TOX: variants seen among roughly 807,000 people sequenced by gnomAD.
The protein encoded by TOX is thymocyte selection associated high mobility group box.
A neutral mutation model predicts 53.7 loss-of-function variants in TOX; 11 were observed. The observed-to-expected ratio is 0.20, with a 90% CI of 0.13 to 0.34. The LOEUF (loss-of-function observed/expected upper bound fraction) is 0.34, where lower values mean the gene tolerates loss of function less well. Among genes scored for constraint, TOX ranks in the 10% least tolerant of loss-of-function variants. The pLI, the probability that TOX is intolerant of heterozygous loss-of-function variation, is 1.00. For missense variants in TOX, 570 were observed against 664.6 expected (o/e 0.86, Z 1.56); for synonymous variants, 225 against 245.3 (o/e 0.92, Z 0.77).
At chr8:58,911,950 C>A (rs1296898184) in intron 3 of TOX, among the ~76,000 whole-genome samples, 1 of 152,216 alleles carries the variant, frequency 6.6e-6, no homozygotes. Flanking sequence ...GATCTGCCTA[C>A]CTCGGCCTCC....
intron 1 of TOX, among the ~76,000 whole-genome samples, chr8:59,027,194 C>T (rs774206337): frequency 1.3e-5 from 2 of 152,154 alleles, no homozygotes; most frequent in Non-Finnish European, 2.9e-5. Context: ...GTTCTAGGCC[C>T]TGGAACACTA....
In TOX at chr8:58,965,904, T is replaced by C. The variant is rs1383600363; in HGVS notation, c.103-5896A>G. 2.8e-5 allele frequency among the ~76,000 whole-genome samples: 4 copies of C among 144,454 alleles called. 1 individual carries two copies. The highest frequency in any genetic ancestry group is 1.0e-4 in the African/African-American group (4 of 39,114). The allele number at this position is 144,454 out of a possible 152,430, so 94.8% of individuals were successfully genotyped here. A position where few individuals can be genotyped will look rare whatever the true frequency, so the allele number is the denominator to read the frequency against. On this transcript the variant is annotated intron_variant, in intron 1 of 8. Transcript: ENST00000361421. ...AGATTACGAGTCATCGTTTTTTTTT[T>C]TTTTTTTTTTTTTTTTTTTTTGGTA... is the stretch of plus-strand genomic sequence containing the variant.
chr8:58,864,080 T>C (rs765321904), intron 3 of TOX, among the ~76,000 whole-genome samples: 82 of 152,230 alleles, frequency 5.4e-4, no homozygotes, highest in Admixed American at 1.4e-3. Flanking sequence ...AGTCAGTACA[T>C]CTGCTATATT....
At chr8:58,966,848 C>T (rs80018011) in intron 1 of TOX, among the ~76,000 whole-genome samples, 7,032 of 150,092 alleles carry the variant, frequency 0.047, 266 homozygotes, top group East Asian at 0.21. Context: ...TAACCAAATA[C>T]ACCAAACTTA....
intron 1 of TOX, among the ~76,000 whole-genome samples, chr8:58,965,894 G>GTTTTGTTTTTTTTTT (rs1812887394): frequency 4.0e-5 from 2 of 49,616 alleles, no homozygotes; most frequent in Non-Finnish European, 7.5e-5. Flanking sequence ...ACGAGTCATC[G>GTTTTGTTTTTTTTTT]TTTTTTTTTT....
intron 3 of TOX, among the ~76,000 whole-genome samples, chr8:58,937,242 T>C (rs781101498): frequency 2.0e-4 from 30 of 152,190 alleles, no homozygotes; most frequent in Admixed American, 7.9e-4. Context: ...GCTTCATTCC[T>C]TTATCTTAGG....
chr8:59,071,975 A>T lies in TOX; in HGVS notation c.102+46911T>A, dbSNP rs1199089805. 2.0e-5 allele frequency among the ~76,000 whole-genome samples: 3 copies of T among 152,362 alleles called. No homozygotes were observed. In the East Asian group the frequency reaches 5.8e-4, roughly 29 times the overall value. On this transcript the variant is annotated intron_variant, in intron 1 of 8. Coordinates refer to ENST00000361421, the MANE Select transcript of TOX (RefSeq NM_014729.3). ...TTTATCAATTTGTCAAAAAATGAAC[A>T]TTAAAAATATAAAGTTAAAATATCG...
At chr8:59,047,218 T>G (rs1415660588) in intron 1 of TOX, among the ~76,000 whole-genome samples, 9 of 125,862 alleles carry the variant, frequency 7.2e-5, no homozygotes, top group South Asian at 2.9e-4. Flanking sequence ...TTTTTTTTTT[T>G]TTTTTTTTTT....
intron 3 of TOX, among the ~76,000 whole-genome samples, chr8:58,915,600 GA>G (rs1417933036): frequency 3.7e-5 from 5 of 136,544 alleles, no homozygotes; most frequent in African/African-American, 1.4e-4. Context: ...CAAAGATGGG[GA>G]AAAAACAGAA....
chr8:59,106,929 G>A (rs2129424700), intron 1 of TOX, among the ~76,000 whole-genome samples: 1 of 151,604 alleles, frequency 6.6e-6, no homozygotes, highest in East Asian at 1.9e-4. Flanking sequence ...GCTATGTGAT[G>A]TCATAACTAG....
intron 1 of TOX, among the ~76,000 whole-genome samples, chr8:59,103,655 T>C (rs895998062): frequency 1.3e-5 from 2 of 152,168 alleles, no homozygotes; most frequent in African/African-American, 4.8e-5. Flanking sequence ...GGCACTCCAG[T>C]GGAAAAGTTG....
In TOX at chr8:58,879,640, C is replaced by T. The variant is rs116623910; in HGVS notation, c.412-27835G>A. Among the ~76,000 whole-genome samples the T allele has an allele frequency of 3.7e-3, 556 of 152,268 alleles. 3 individuals carry two copies. The highest frequency in any genetic ancestry group is 0.013 in the African/African-American group (537 of 41,540). ...AAATTCTTTACTGTGGCTGACTAGT[C>T]CTTTGGGGAATGCCACAGTACGTTC... On this transcript the variant is annotated intron_variant, in intron 3 of 8. Coordinates refer to ENST00000361421, the MANE Select transcript of TOX (RefSeq NM_014729.3).
At chr8:59,072,153 A>G (rs1214513953) in intron 1 of TOX, among the ~76,000 whole-genome samples, 1 of 152,168 alleles carries the variant, frequency 6.6e-6, no homozygotes, top group East Asian at 1.9e-4. Context: ...TAGTTCAAGT[A>G]TATGCTTTTG....
At chr8:58,863,882 C>A (rs887297986) in intron 3 of TOX, among the ~76,000 whole-genome samples, 1 of 152,070 alleles carries the variant, frequency 6.6e-6, no homozygotes. Context: ...TTGCTATAAC[C>A]AAAATTGCAC....
rs1291969201 is a variant in TOX at position 58,838,403 on chromosome 8, C to A, written c.694-92G>T. The A allele has an allele frequency of 1.8e-5, 17 of 964,568 alleles. No individual in the cohort carries two copies. In the East Asian group the frequency reaches 3.8e-4, roughly 22 times the overall value. 59.8% of individuals were successfully genotyped at this position (964,568 alleles called of 1,614,324 possible). The stretch of plus-strand genomic sequence containing the variant: ...TTTTCCTTTGAGACTTAGACACATA[C>A]CCATTCACATCACTCAAACACAGGC... On this transcript the variant is annotated intron_variant, in intron 4 of 8. Transcript: ENST00000361421.
intron 3 of TOX, among the ~76,000 whole-genome samples, chr8:58,928,755 G>A (rs1056532347): frequency 3.9e-5 from 6 of 152,102 alleles, no homozygotes; most frequent in African/African-American, 1.2e-4. Flanking sequence ...CCACTGTCTT[G>A]AGAAGTGCAG....
intron 1 of TOX, among the ~76,000 whole-genome samples, chr8:58,978,216 C>T (rs1161868902): frequency 6.6e-6 from 1 of 151,524 alleles, no homozygotes; most frequent in African/African-American, 2.4e-5. Context: ...CTTAGATAGT[C>T]CCAGGAAATT....
At chr8:58,947,869 CA>C (rs1345394606) in intron 2 of TOX, among the ~76,000 whole-genome samples, 1 of 152,184 alleles carries the variant, frequency 6.6e-6, no homozygotes, top group East Asian at 1.9e-4. Context: ...TGAGCAAGTC[CA>C]GGCTACTGTC....
intron 1 of TOX, among the ~76,000 whole-genome samples, chr8:58,988,390 G>A (rs757094036): frequency 5.9e-5 from 9 of 152,136 alleles, no homozygotes; most frequent in East Asian, 1.9e-4. Context: ...GTCTATAGCC[G>A]TTCCCTGATA....
Sources: allele counts gnomAD v4.1 joint callset (sites outside exome capture counted in the v4.1 genomes callset), GRCh38; gene constraint gnomAD v4.1.1; transcripts MANE v1.5; gene names NCBI Gene and HGNC (gene_info 2026-07-23, HGNC 2026-07-21).